SPRR2G: variants seen among roughly 807,000 people sequenced by gnomAD.
The protein encoded by SPRR2G is small proline rich protein 2G, also known as small proline-rich protein 2G.
SPRR2G carries 1 observed loss-of-function variant against 0.7 expected under a neutral mutation model. The ratio of observed to expected loss-of-function variants is 1.49; its 90% CI spans 0.53 to 7.06. SPRR2G has a LOEUF of 7.06. Among genes scored for constraint, SPRR2G ranks in the 30% most tolerant of loss-of-function variants. The pLI, the probability that SPRR2G is intolerant of heterozygous loss-of-function variation, is 0.14. For missense variants in SPRR2G, 96 were observed against 88.5 expected, an observed-to-expected ratio of 1.09 and a Z score of -0.34; for synonymous variants, 38 against 33.9, an observed-to-expected ratio of 1.12 and a Z score of -0.42.
Position 153,149,914 on chromosome 1 carries a change from T to C in SPRR2G, c.197A>G (p.Gln66Arg), listed in dbSNP as rs764963022. 3.1e-6 allele frequency: 5 copies of C among 1,614,108 alleles called. No homozygotes were observed. The highest frequency in any genetic ancestry group is 1.3e-5 in the African/African-American group (1 of 75,020). Residue 66 changes from glutamine (Q) to arginine (R), a missense_variant, in exon 2 of 2, where the codon CAG (glutamine) becomes CGG (arginine). Physicochemically the swap from Gln to Arg is conservative, Grantham distance 43. Coordinates refer to ENST00000368748, the MANE Select transcript of SPRR2G (RefSeq NM_001014291.4). Reference protein sequence around the residue: ...PPVQPYPPCQQKYPPKSK With the variant: ...PPVQPYPPCQRKYPPKSK Reference sequence around the variant, plus strand: ...TTACTTGCTCTTGGGTGGATACTTCTGCTGGCAGGGTGGGTATGGTTGCAC... The same window carrying C: ...TTACTTGCTCTTGGGTGGATACTTCCGCTGGCAGGGTGGGTATGGTTGCAC...
chr1:153,189,688 A>C, the SPRR2G span, among the ~76,000 whole-genome samples: 1 of 152,216 alleles, frequency 6.6e-6, no homozygotes, highest in East Asian at 1.9e-4. Flanking sequence ...CTAACACATA[A>C]GATGGGCCAT....
At chr1:153,179,726 A>G in the SPRR2G span, among the ~76,000 whole-genome samples, 1 of 151,976 alleles carries the variant, frequency 6.6e-6, no homozygotes, top group African/African-American at 2.4e-5. Context: ...TCTTCTCATT[A>G]TCTTCAATGT....
the SPRR2G span, among the ~76,000 whole-genome samples, chr1:153,156,356 C>G: frequency 1.3e-5 from 2 of 152,122 alleles, no homozygotes; most frequent in African/African-American, 4.8e-5. Context: ...ATTTGGGGCT[C>G]CTATATTTGG....
chr1:153,149,832 GAGT>G lies in SPRR2G; in HGVS notation c.*54_*56del. ...TGAAGGGAAGATGATGGAGTCCTGG[GAGT>G]AAGAAGAGCCACTGGATCTTGTTGT... On this transcript the variant is annotated 3_prime_UTR_variant, in exon 2 of 2. Coordinates refer to ENST00000368748, the MANE Select transcript of SPRR2G (RefSeq NM_001014291.4). 1 of 1,596,520 alleles carries G rather than the reference GAGT, an allele frequency of 6.3e-7. No homozygotes were observed. Among genetic ancestry groups the G allele is most frequent in the Non-Finnish European group, 8.6e-7 (1 of 1,165,000 alleles).
At chr1:153,179,876 T>C in the SPRR2G span, among the ~76,000 whole-genome samples, 1 of 152,150 alleles carries the variant, frequency 6.6e-6, no homozygotes, top group Non-Finnish European at 1.5e-5. Flanking sequence ...ACAGCAATCA[T>C]ATAAAATATA....
the SPRR2G span, among the ~76,000 whole-genome samples, chr1:153,161,200 G>A: frequency 1.3e-4 from 20 of 150,684 alleles, no homozygotes; most frequent in African/African-American, 4.1e-4. Context: ...AAAACTGCAC[G>A]TTGTGCACAT....
the SPRR2G span, among the ~76,000 whole-genome samples, chr1:153,184,422 C>A: frequency 1.3e-5 from 2 of 152,178 alleles, no homozygotes; most frequent in South Asian, 4.1e-4. Flanking sequence ...AGGTCCTTCA[C>A]GTCCATTGTA....
chr1:153,168,199 C>T, the SPRR2G span, among the ~76,000 whole-genome samples: 1 of 152,196 alleles, frequency 6.6e-6, no homozygotes, highest in Non-Finnish European at 1.5e-5. Flanking sequence ...GTTCTGGAAA[C>T]ACTCAGTTCC....
At chr1:153,156,820 T>C in the SPRR2G span, among the ~76,000 whole-genome samples, 5 of 152,326 alleles carry the variant, frequency 3.3e-5, no homozygotes, top group African/African-American at 9.6e-5. Flanking sequence ...TTAAGTTATT[T>C]TGTGGCAATA....
chr1:153,193,214 T>C, the SPRR2G span, among the ~76,000 whole-genome samples: 7 of 152,252 alleles, frequency 4.6e-5, no homozygotes, highest in Admixed American at 2.0e-4. Flanking sequence ...CCCCTCTACA[T>C]CATTCCTGGA....
At chr1:153,163,470 G>A in the SPRR2G span, among the ~76,000 whole-genome samples, 76,843 of 151,948 alleles carry the variant, frequency 0.51, 20,010 homozygotes, top group East Asian at 0.64. Flanking sequence ...TTGACTATTT[G>A]TATTTGGGGC....
chr1:153,154,493 T>G (rs2101649782), upstream of SPRR2G, among the ~76,000 whole-genome samples: 1 of 152,260 alleles, frequency 6.6e-6, no homozygotes, highest in Middle Eastern at 3.4e-3. Context: ...GGATTTTTCT[T>G]TGATCACAGT....
the SPRR2G span, among the ~76,000 whole-genome samples, chr1:153,180,922 A>C: frequency 6.6e-6 from 1 of 152,224 alleles, no homozygotes; most frequent in Admixed American, 6.5e-5. Context: ...CCCTTTCATG[A>C]ATTGCCTGTT....
At chr1:153,190,648 T>A in the SPRR2G span, 1 of 152,190 alleles carries the variant, frequency 6.6e-6, no homozygotes, top group Non-Finnish European at 1.5e-5. Flanking sequence ...ATTCAAAAAC[T>A]TCATTAACGT....
chr1:153,160,466 C>CTGCA, the SPRR2G span, among the ~76,000 whole-genome samples: 1 of 152,188 alleles, frequency 6.6e-6, no homozygotes, highest in Non-Finnish European at 1.5e-5. Context: ...TTTGAGGAAA[C>CTGCA]TGCATACTGT....
chr1:153,194,236 G>A, the SPRR2G span, among the ~76,000 whole-genome samples: 1 of 152,118 alleles, frequency 6.6e-6, no homozygotes, highest in Non-Finnish European at 1.5e-5. Flanking sequence ...ATGAAGAAGA[G>A]AAACAGTCAA....
At chr1:153,166,922 T>G in the SPRR2G span, among the ~76,000 whole-genome samples, 7 of 151,746 alleles carry the variant, frequency 4.6e-5, no homozygotes, top group African/African-American at 1.7e-4. Flanking sequence ...TTCATAAAAG[T>G]GTTTAGGAAA....
At chr1:153,201,110 G>A in the SPRR2G span, among the ~76,000 whole-genome samples, 1 of 152,158 alleles carries the variant, frequency 6.6e-6, no homozygotes, top group African/African-American at 2.4e-5. Context: ...CTCTCGTGGA[G>A]GCCCAGCAGC....
Position 153,149,793 on chromosome 1 carries a change from C to G in SPRR2G, c.*96G>C, listed in dbSNP as rs1656418195. The G allele has an allele frequency of 2.0e-6, 3 of 1,469,576 alleles. No homozygotes were observed. Among genetic ancestry groups the G allele is most frequent in the Non-Finnish European group, 2.8e-6 (3 of 1,059,270 alleles). 91.0% of individuals were successfully genotyped at this position (1,469,576 alleles called of 1,614,324 possible). ...CAGACAGAGGTTAGGGAAGATGCAGCCTCCCACTACAGCTGAAGGGAAGAT... is the reference window on the plus strand; with the variant it reads ...CAGACAGAGGTTAGGGAAGATGCAGGCTCCCACTACAGCTGAAGGGAAGAT... On this transcript the variant is annotated 3_prime_UTR_variant, in exon 2 of 2. Coordinates refer to ENST00000368748, the MANE Select transcript of SPRR2G (RefSeq NM_001014291.4).
Sources: gnomAD v4.1 joint callset for allele counts (sites outside exome capture counted in the v4.1 genomes callset) on GRCh38, gnomAD v4.1.1 for gene constraint, MANE v1.5 for transcripts, NCBI Gene and HGNC (gene_info 2026-07-23, HGNC 2026-07-21) for gene names.